Variants in FNIP2 observed in about 807,000 individuals in gnomAD.
The protein encoded by FNIP2 is folliculin-interacting protein 2.
Under a neutral mutation model 108.7 loss-of-function variants are expected in FNIP2, and 32 were observed. The observed-to-expected ratio is 0.29, with a 90% CI of 0.22 to 0.40. The LOEUF is 0.40. FNIP2 is among the 10% of genes least tolerant of loss of function. FNIP2 has a pLI of 1.00. For synonymous variants in FNIP2, 480 were observed against 496.7 expected (o/e 0.97, Z 0.45); for missense variants, 1,202 against 1,381.6 (o/e 0.87, Z 2.06).
chr4:158,779,565 G>A lies in FNIP2; in HGVS notation c.107+10246G>A, dbSNP rs141506577. Among the ~76,000 whole-genome samples, 250 of 106,862 alleles carry A rather than the reference G, an allele frequency of 2.3e-3. 2 individuals carry two copies. The highest frequency in any genetic ancestry group is 8.5e-3 in the African/African-American group (241 of 28,226). 70.1% of individuals were successfully genotyped at this position (106,862 alleles called of 152,430 possible). ...GATTGTGGGTAAATATCCTTTGTTG[G>A]TCGTGGTTTTTTTTTTTTTTTTTGA... On this transcript the variant is annotated intron_variant, in intron 1 of 16. Coordinates refer to ENST00000264433, the MANE Select transcript of FNIP2 (RefSeq NM_020840.3).
chr4:158,870,688 T>C (rs1780892125), intron 14 of FNIP2, among the ~76,000 whole-genome samples: 1 of 151,724 alleles, frequency 6.6e-6, no homozygotes, highest in South Asian at 2.1e-4. Flanking sequence ...AAGGGGAGGG[T>C]GCGTGACATC....
chr4:158,794,782 C>A (rs1776528914), intron 1 of FNIP2: 1 of 152,164 alleles, frequency 6.6e-6, no homozygotes. Flanking sequence ...TTCTGTTGAA[C>A]AGCACTGTCT....
intron 7 of FNIP2, among the ~76,000 whole-genome samples, chr4:158,844,866 G>A (rs1578903084): frequency 6.6e-6 from 1 of 152,348 alleles, no homozygotes; most frequent in African/African-American, 2.4e-5. Context: ...CACATGCCAG[G>A]AACAGCAGCA....
chr4:158,828,180 C>T (rs1388593601), intron 2 of FNIP2, among the ~76,000 whole-genome samples: 1 of 152,126 alleles, frequency 6.6e-6, no homozygotes, highest in Non-Finnish European at 1.5e-5. Context: ...TGTCTTTAAC[C>T]TTTGAAGACC....
intron 1 of FNIP2, among the ~76,000 whole-genome samples, chr4:158,818,842 T>G (rs1483231318): frequency 6.6e-6 from 1 of 152,210 alleles, no homozygotes; most frequent in East Asian, 1.9e-4. Flanking sequence ...AGCTCAGCGC[T>G]AGGGTTGGAG....
intron 7 of FNIP2, among the ~76,000 whole-genome samples, chr4:158,843,812 T>C (rs1330679895): frequency 6.6e-6 from 1 of 152,240 alleles, no homozygotes; most frequent in Non-Finnish European, 1.5e-5. Flanking sequence ...TCCACATGTA[T>C]TTGAATGGCT....
At chr4:158,833,765 CT>C (rs1778616400) in intron 6 of FNIP2, 137 bp downstream of exon 6, 1 of 1,461,082 alleles carries the variant, frequency 6.8e-7, no homozygotes, top group South Asian at 1.2e-5. Context: ...TGTATGTGTA[CT>C]TTGTTTGCCC....
At chr4:158,797,452 C>T (rs1020123089) in intron 1 of FNIP2, among the ~76,000 whole-genome samples, 6 of 152,174 alleles carry the variant, frequency 3.9e-5, no homozygotes, top group African/African-American at 9.7e-5. Flanking sequence ...ATAATCTTAG[C>T]GCCTTGGGAG....
intron 15 of FNIP2, among the ~76,000 whole-genome samples, chr4:158,895,400 A>C (rs925999182): frequency 6.6e-6 from 1 of 152,230 alleles, no homozygotes; most frequent in Non-Finnish European, 1.5e-5. Flanking sequence ...TTTAGCTATA[A>C]AAATTATATC....
intron 15 of FNIP2, among the ~76,000 whole-genome samples, chr4:158,892,107 G>C (rs1004913971): frequency 6.7e-6 from 1 of 148,500 alleles, no homozygotes; most frequent in Non-Finnish European, 1.5e-5. Context: ...CAGCTTTAAA[G>C]TACTATACAC....
In FNIP2 at chr4:158,869,190, C is replaced by T. The variant is rs756586836; in HGVS notation, c.2554C>T (p.Pro852Ser). The T allele has an allele frequency of 3.1e-6, 5 of 1,613,934 alleles. No homozygotes were observed. In the African/African-American group the frequency reaches 5.3e-5, roughly 17 times the overall value. Residue 852 changes from proline to serine, a missense_variant, in exon 13 of 17, where the codon CCT becomes TCT. This residue lies in a region of FNIP2 where 878 missense variants were observed against 990.3 expected (regional missense o/e 0.89). Coordinates refer to ENST00000264433, the MANE Select transcript of FNIP2 (RefSeq NM_020840.3). ...VKAAEGPVLE[P>S]VAPRCVQRGP... Reference sequence around the variant, plus strand: ...GGCTGCGGAAGGACCTGTGCTGGAGCCTGTTGCCCCCAGGTGTGTCCAGCG... The same window carrying T: ...GGCTGCGGAAGGACCTGTGCTGGAGTCTGTTGCCCCCAGGTGTGTCCAGCG...
At position 158,869,006 on chromosome 4, in the gene FNIP2, G is replaced by A. The variant is rs781504828; in HGVS notation, c.2370G>A (p.Glu790=). 6.8e-6 allele frequency: 11 copies of A among 1,614,036 alleles called. No individual in the cohort carries two copies. The East Asian group carries it at 2.0e-4, about 29-fold the overall frequency. The stretch of plus-strand genomic sequence containing the variant: ...GGCTTTCAGAGGGGGATGAAGGCGA[G>A]TCTGACAAGGGTTTTGCAGAGGACA... ...QNRLSEGDEG[E]SDKGFAEDRG... Residue 790 remains glutamate, a synonymous_variant, in exon 13 of 17, where the codon GAG becomes GAA. Transcript: ENST00000264433.
chr4:158,792,034 G>T (rs1272650326), intron 1 of FNIP2, among the ~76,000 whole-genome samples: 1 of 152,078 alleles, frequency 6.6e-6, no homozygotes, highest in Non-Finnish European at 1.5e-5. Context: ...AGCCTAGGAG[G>T]TTGAAGCTAC....
chr4:158,872,448 C>T (rs535186699), intron 14 of FNIP2: 77 of 985,380 alleles, frequency 7.8e-5, no homozygotes, highest in Non-Finnish European at 8.9e-5. Flanking sequence ...TGTTTTCACA[C>T]TGTAGCTTTT....
At chr4:158,881,341 C>G (rs1176607360) in intron 14 of FNIP2, among the ~76,000 whole-genome samples, 1 of 147,112 alleles carries the variant, frequency 6.8e-6, no homozygotes, top group Non-Finnish European at 1.5e-5. Context: ...CCCTCTCCCT[C>G]TCTTTCCACG....
intron 1 of FNIP2, among the ~76,000 whole-genome samples, chr4:158,780,021 A>C (rs972583143): frequency 6.6e-6 from 1 of 151,980 alleles, no homozygotes; most frequent in African/African-American, 2.4e-5. Context: ...CCAGCCTGTC[A>C]ACAAAAGGAG....
intron 16 of FNIP2, among the ~76,000 whole-genome samples, chr4:158,903,109 G>C (rs774461173): frequency 1.3e-5 from 2 of 152,220 alleles, no homozygotes; most frequent in Non-Finnish European, 2.9e-5. Context: ...CCAGGGCCCT[G>C]ATTGTGTACA....
Position 158,826,024 on chromosome 4 carries a change from TGAG to T in FNIP2, c.221_223del (p.Glu74del), listed in dbSNP as rs1258161515. The T allele has an allele frequency of 4.4e-6, 7 of 1,607,462 alleles. No individual in the cohort carries two copies. Among genetic ancestry groups the T allele is most frequent in the Non-Finnish European group, 6.0e-6 (7 of 1,174,598 alleles). On this transcript the variant is annotated inframe_deletion, in exon 2 of 17. Coordinates refer to ENST00000264433, the MANE Select transcript of FNIP2 (RefSeq NM_020840.3). ...TTGACTCTAAAGCTGTTCAAAAGAT[TGAG>T]GAGGTGACAGCTCAGGTATGAAATG...
chr4:158,889,712 G>C (rs891935208), intron 14 of FNIP2: 1 of 535,592 alleles, frequency 1.9e-6, no homozygotes, highest in Non-Finnish European at 2.4e-6. Context: ...GATCTGTCCC[G>C]TGGCATGACC....
Sources: allele counts gnomAD v4.1 joint callset (sites outside exome capture counted in the v4.1 genomes callset), GRCh38; gene constraint gnomAD v4.1.1; regional missense constraint gnomAD v4.1.1; transcripts MANE v1.5; gene names NCBI Gene and HGNC (gene_info 2026-07-23, HGNC 2026-07-21).